Variants in SMTNL1 observed in about 807,000 individuals in gnomAD.
The protein encoded by SMTNL1 is smoothelin like 1.
SMTNL1 carries 41 observed loss-of-function variants against 46.6 expected under a neutral mutation model. The observed-to-expected ratio is 0.88, with a 90% CI of 0.69 to 1.14. The LOEUF is 1.14. Among genes scored for constraint, SMTNL1 ranks in the 50% most tolerant of loss-of-function variants. The pLI is 0.00. For missense variants in SMTNL1, 591 were observed against 626.1 expected, an observed-to-expected ratio of 0.94 and a Z score of 0.60; for synonymous variants, 234 against 234.2, an observed-to-expected ratio of 1.00 and a Z score of 0.01.
chr11:57,548,090 T>C (rs987565467), intron 7 of SMTNL1, among the ~76,000 whole-genome samples: 1 of 152,240 alleles, frequency 6.6e-6, no homozygotes, highest in East Asian at 1.9e-4. Context: ...GAGGAGTCTA[T>C]GAGAACGTCC....
chr11:57,546,279 G>A lies in SMTNL1; in HGVS notation c.1120G>A (p.Gly374Arg), dbSNP rs745725802. 1.1e-5 allele frequency: 18 copies of A among 1,611,042 alleles called. No homozygotes were observed. The East Asian group carries it at 1.8e-4, about 16-fold the overall frequency. The change falls in exon 6 of 8, where the codon GGG becomes AGG. Residue 374 changes from glycine to arginine, a missense_variant. Coordinates refer to ENST00000527972, the MANE Select transcript of SMTNL1 (RefSeq NM_001105565.3). ...TALFRNTKAA[G>R]AAIGGVKNML... ...CTTGTTCCGCAACACTAAGGCAGCC[G>A]GGGCAGCCATTGGTGGTGTCAAGAA...
Position 57,542,770 on chromosome 11 carries a change from A to G in SMTNL1, c.128A>G (p.Asn43Ser), listed in dbSNP as rs546767884. The G allele has an allele frequency of 2.2e-5, 35 of 1,613,950 alleles. 1 individual carries two copies. The highest frequency in any genetic ancestry group is 1.5e-4 in the South Asian group (14 of 91,064). ...AAAGGCACAGCTGGAAAGGCCATCAATGAGGGGCCTCCCACTGAGTCAGGA... is the reference window on the plus strand; with the variant it reads ...AAAGGCACAGCTGGAAAGGCCATCAGTGAGGGGCCTCCCACTGAGTCAGGA... ...ETKGTAGKAI[N>S]EGPPTESGKQ... is the part of the protein sequence containing the mutation. Residue 43 changes from asparagine (N) to serine (S), a missense_variant, in exon 2 of 8, where the codon AAT becomes AGT. Physicochemically the swap from Asn to Ser is conservative, Grantham distance 46 (BLOSUM62 1). Coordinates refer to ENST00000527972, the MANE Select transcript of SMTNL1 (RefSeq NM_001105565.3).
chr11:57,546,130 C>T, intron 5 of SMTNL1, 94 bp downstream of exon 5: 2 of 1,511,810 alleles, frequency 1.3e-6, no homozygotes, highest in Non-Finnish European at 1.8e-6. Context: ...CAGCCCAGGC[C>T]AAGGCAGGAG....
chr11:57,546,847 C>T (rs1007447358), intron 7 of SMTNL1, among the ~76,000 whole-genome samples, 195 bp downstream of exon 7: 1 of 152,170 alleles, frequency 6.6e-6, no homozygotes, highest in Non-Finnish European at 1.5e-5. Flanking sequence ...AAAATCTCTG[C>T]TTGAGTCAAG....
intron 1 of SMTNL1, 64 bp from the exon 2 acceptor site, chr11:57,542,576 AG>A (rs1944887713): frequency 7.3e-6 from 11 of 1,513,954 alleles, no homozygotes; most frequent in Admixed American, 2.3e-5. Context: ...GAGCTCTCTG[AG>A]GGTGGGGTCT....
At chr11:57,547,885 T>C (rs1245131583) in intron 7 of SMTNL1, among the ~76,000 whole-genome samples, 1 of 152,242 alleles carries the variant, frequency 6.6e-6, no homozygotes, top group East Asian at 1.9e-4. Flanking sequence ...GGATTTCCTC[T>C]GGGGCCCTGG....
intron 2 of SMTNL1, 107 bp downstream of exon 2, chr11:57,543,481 T>C (rs1025068711): frequency 6.6e-7 from 1 of 1,522,776 alleles, no homozygotes; most frequent in Non-Finnish European, 8.8e-7. Flanking sequence ...CTCCTGATGA[T>C]TTCCAGAGCC....
At chr11:57,542,544 G>A (rs902202287) in intron 1 of SMTNL1, 97 bp from the exon 2 acceptor site, 34 of 1,408,128 alleles carry the variant, frequency 2.4e-5, no homozygotes, top group South Asian at 1.2e-4. Flanking sequence ...ACTGAACCAC[G>A]GACTTCCTGA....
intron 4 of SMTNL1, among the ~76,000 whole-genome samples, chr11:57,544,162 C>T (rs146701071): frequency 6.6e-6 from 1 of 152,290 alleles, no homozygotes; most frequent in African/African-American, 2.4e-5. Flanking sequence ...GGTGGATTAC[C>T]TGAGGTCATG....
chr11:57,543,047 G>A lies in SMTNL1; in HGVS notation c.405G>A (p.Glu135=). The part of the protein sequence containing the change: ...AEEKESTLAS[E]KQKAEEKEAK... ...AAAAGGAGAGCACGCTGGCCTCTGA[G>A]AAGCAGAAGGCTGAGGAGAAAGAGG... Residue 135 remains glutamate (E), a synonymous_variant, in exon 2 of 8, where the codon GAG becomes GAA. Transcript: ENST00000527972. 3 of 1,606,626 alleles carry A rather than the reference G, an allele frequency of 1.9e-6. No homozygotes were observed. Among genetic ancestry groups the A allele is most frequent in the Non-Finnish European group, 2.6e-6 (3 of 1,176,414 alleles).
intron 7 of SMTNL1, among the ~76,000 whole-genome samples, chr11:57,549,364 C>T (rs1205989644): frequency 2.0e-5 from 3 of 151,972 alleles, no homozygotes; most frequent in African/African-American, 7.3e-5. Flanking sequence ...CTAACAGAAG[C>T]TCCCCGGTTC....
intron 7 of SMTNL1, among the ~76,000 whole-genome samples, chr11:57,547,266 G>A (rs1488810537): frequency 6.6e-6 from 1 of 152,338 alleles, no homozygotes; most frequent in East Asian, 1.9e-4. Flanking sequence ...TGAACCAACT[G>A]TCCTGCTCCT....
chr11:57,544,240 C>T (rs1944905181), intron 4 of SMTNL1, among the ~76,000 whole-genome samples: 1 of 152,156 alleles, frequency 6.6e-6, no homozygotes, highest in Admixed American at 6.5e-5. Context: ...ATTAGCTGAG[C>T]GTGGTGGTGG....
intron 1 of SMTNL1, chr11:57,541,624 G>A: frequency 7.5e-7 from 1 of 1,339,640 alleles, no homozygotes; most frequent in Non-Finnish European, 9.9e-7. Context: ...AAAAACCACA[G>A]GCTGGTAGAG....
rs1944922241 is a variant in SMTNL1 at position 57,546,254 on chromosome 11, C to T, written c.1095C>T (p.Ala365=). 6.2e-7 allele frequency: 1 copy of T among 1,607,444 alleles called. No individual in the cohort carries two copies. The highest frequency in any genetic ancestry group is 8.5e-7 in the Non-Finnish European group (1 of 1,177,240). The change falls in exon 6 of 8, where the codon GCC becomes GCT. Residue 365 remains alanine (A), a synonymous_variant. Coordinates refer to ENST00000527972, the MANE Select transcript of SMTNL1 (RefSeq NM_001105565.3). ...KFGGAASGPT[A]LFRNTKAAGA... is the part of the protein sequence containing the mutation. ...ACAGGGCAGCTTCCGGCCCCACGGC[C>T]TTGTTCCGCAACACTAAGGCAGCCG...
chr11:57,548,876 C>A (rs1944938989), intron 7 of SMTNL1, among the ~76,000 whole-genome samples: 1 of 152,106 alleles, frequency 6.6e-6, no homozygotes, highest in South Asian at 2.1e-4. Context: ...GTTTTATTCA[C>A]TGATGAATTC....
chr11:57,544,930 G>T (rs771695729), intron 4 of SMTNL1, among the ~76,000 whole-genome samples: 5 of 149,668 alleles, frequency 3.3e-5, no homozygotes, highest in Non-Finnish European at 5.9e-5. Flanking sequence ...TCTGCCTCCC[G>T]GGTTCAAGCG....
At position 57,542,821 on chromosome 11, in the gene SMTNL1, AC is replaced by A. The variant is rs1345791497; in HGVS notation, c.180del (p.Asp60GlufsTer14). 6.8e-6 allele frequency: 11 copies of A among 1,613,750 alleles called. No homozygotes were observed. Among genetic ancestry groups the A allele is most frequent in the Non-Finnish European group, 8.5e-6 (10 of 1,179,816 alleles). On this transcript the variant is annotated frameshift_variant, in exon 2 of 8. Transcript: ENST00000527972. LOFTEE classifies it high-confidence loss of function. ...SGKQEKAPAE[D>X]GMSAELQGEA... ...AAGCAGGAAAAGGCACCAGCCGAGG[AC>A]GGCATGTCAGCAGAACTCCAGGGGG... is the stretch of plus-strand genomic sequence containing the variant.
rs766745806 is a variant in SMTNL1 at position 57,546,616 on chromosome 11, G to A, written c.1304G>A (p.Arg435His). 2.3e-5 allele frequency: 37 copies of A among 1,613,802 alleles called. No individual in the cohort carries two copies. The highest frequency in any genetic ancestry group is 2.9e-5 in the Non-Finnish European group (34 of 1,179,882). Residue 435 changes from arginine (R) to histidine (H), a missense_variant, in exon 7 of 8, where the codon CGC becomes CAC. By Grantham distance (29) the Arg-to-His change is conservative (BLOSUM62 0). Coordinates refer to ENST00000527972, the MANE Select transcript of SMTNL1 (RefSeq NM_001105565.3). ...FDYAELDPAK[R>H]RHNFTLAFST... Reference sequence around the variant, plus strand: ...TACGCAGAGCTGGATCCCGCAAAGCGCCGGCACAACTTCACCCTGGCCTTC... The same window carrying A: ...TACGCAGAGCTGGATCCCGCAAAGCACCGGCACAACTTCACCCTGGCCTTC...
Sources: gnomAD v4.1 joint callset for allele counts (sites outside exome capture counted in the v4.1 genomes callset) on GRCh38, gnomAD v4.1.1 for gene constraint, MANE v1.5 for transcripts, NCBI Gene and HGNC (gene_info 2026-07-23, HGNC 2026-07-21) for gene names.